The following CCSER1 variants were observed in gnomAD, a reference collection of about 807,000 sequenced individuals.
The protein encoded by CCSER1 is coiled-coil serine rich protein 1.
In CCSER1, 41 loss-of-function variants were observed where a neutral mutation model predicts 82.0. That is an observed-to-expected ratio of 0.50 (90% CI 0.39 to 0.65). The LOEUF is 0.65. Ranked by LOEUF, CCSER1 falls within the 30% of genes least tolerant of loss-of-function variation. CCSER1 has a pLI of 0.00. For missense variants in CCSER1, 1,119 were observed against 1,064.2 expected (o/e 1.05, Z -0.72); for synonymous variants, 414 against 383.9 (o/e 1.08, Z -0.92).
intron 10 of CCSER1, among the ~76,000 whole-genome samples, chr4:91,205,434 G>A (rs1257788136): frequency 1.3e-5 from 2 of 151,496 alleles, no homozygotes; most frequent in Non-Finnish European, 1.5e-5. Context: ...CTTTAACCTG[G>A]GGTCAGTAAA....
intron 8 of CCSER1, among the ~76,000 whole-genome samples, chr4:90,900,924 A>G (rs1324950397): frequency 6.6e-6 from 1 of 151,790 alleles, no homozygotes; most frequent in Non-Finnish European, 1.5e-5. Context: ...ATGACTGTCT[A>G]TCTCTTGGTC....
At position 90,186,220 on chromosome 4, in the gene CCSER1, A is replaced by C. The variant is rs533705124; in HGVS notation, c.-42+58389A>C. Among the ~76,000 whole-genome samples the C allele has an allele frequency of 1.1e-4, 16 of 152,060 alleles. No individual in the cohort carries two copies. In the South Asian group the frequency reaches 2.7e-3, roughly 26 times the overall value. ...GCTCTAGGTCCCAGGCACATTACAT[A>C]TTTTTATGTGTCCCTTCTCTCATAA... On this transcript the variant is annotated intron_variant, in intron 1 of 10. Coordinates refer to ENST00000509176, the MANE Select transcript of CCSER1 (RefSeq NM_001145065.2).
At chr4:90,741,806 G>A (rs548116327) in intron 7 of CCSER1, among the ~76,000 whole-genome samples, 2 of 152,238 alleles carry the variant, frequency 1.3e-5, no homozygotes, top group African/African-American at 2.4e-5. Context: ...GAGATAGACC[G>A]TGAATATGAG....
At chr4:91,404,522 G>T (rs888188166) in intron 10 of CCSER1, among the ~76,000 whole-genome samples, 3 of 152,030 alleles carry the variant, frequency 2.0e-5, no homozygotes, top group Non-Finnish European at 4.4e-5. Context: ...TGCTTCTCTT[G>T]TGGGCATTAA....
intron 10 of CCSER1, among the ~76,000 whole-genome samples, chr4:91,532,687 T>A (rs1761094946): frequency 6.8e-6 from 1 of 147,740 alleles, no homozygotes; most frequent in South Asian, 2.2e-4. Flanking sequence ...GGTAACATGA[T>A]GAAACCCATT....
intron 8 of CCSER1, among the ~76,000 whole-genome samples, chr4:90,922,230 A>G (rs535795061): frequency 3.3e-5 from 5 of 152,092 alleles, no homozygotes; most frequent in African/African-American, 9.6e-5. Context: ...TTTGATAAAC[A>G]TCTCAGATAA....
At chr4:90,915,914 A>T (rs1727309494) in intron 8 of CCSER1, among the ~76,000 whole-genome samples, 1 of 152,124 alleles carries the variant, frequency 6.6e-6, no homozygotes, top group Middle Eastern at 3.2e-3. Context: ...CCCATTCACA[A>T]TTGCTTCAAA....
chr4:91,521,071 T>C (rs945746675), intron 10 of CCSER1, among the ~76,000 whole-genome samples: 1 of 152,096 alleles, frequency 6.6e-6, no homozygotes, highest in Non-Finnish European at 1.5e-5. Context: ...TGTGTGATGT[T>C]CCCCGCAATG....
chr4:90,210,441 TTTTCTTTTC>T (rs1229027739), intron 1 of CCSER1, among the ~76,000 whole-genome samples: 29 of 115,330 alleles, frequency 2.5e-4, no homozygotes, highest in Middle Eastern at 9.8e-3. Flanking sequence ...TTTTCTTTTC[TTTTCTTTTC>T]TTTTTTTTTT....
At chr4:90,406,482 G>C (rs2153549739) in intron 4 of CCSER1, among the ~76,000 whole-genome samples, 1 of 152,200 alleles carries the variant, frequency 6.6e-6, no homozygotes, top group African/African-American at 2.4e-5. Context: ...AGAAACAATG[G>C]ACTTAACTAT....
At chr4:90,509,777 C>T (rs1399671236) in intron 5 of CCSER1, among the ~76,000 whole-genome samples, 1 of 152,130 alleles carries the variant, frequency 6.6e-6, no homozygotes, top group Non-Finnish European at 1.5e-5. Context: ...CTCATGTCAC[C>T]TTCACTGCTC....
intron 10 of CCSER1, among the ~76,000 whole-genome samples, chr4:91,155,645 C>T (rs1222880148): frequency 1.3e-5 from 2 of 151,922 alleles, no homozygotes; most frequent in African/African-American, 4.8e-5. Flanking sequence ...TGAATTACTT[C>T]TCTCTTTTAC....
intron 1 of CCSER1, among the ~76,000 whole-genome samples, chr4:90,270,128 C>T (rs1725982018): frequency 6.6e-6 from 1 of 151,988 alleles, no homozygotes; most frequent in East Asian, 1.9e-4. Flanking sequence ...GCAACTACTC[C>T]AAATATTATA....
intron 9 of CCSER1, among the ~76,000 whole-genome samples, chr4:90,926,490 G>A (rs922847622): frequency 6.6e-6 from 1 of 151,942 alleles, no homozygotes; most frequent in African/African-American, 2.4e-5. Context: ...ATAAGAAATA[G>A]AATTCCCAGA....
At chr4:91,114,453 A>G (rs189682087) in intron 10 of CCSER1, among the ~76,000 whole-genome samples, 40 of 152,308 alleles carry the variant, frequency 2.6e-4, no homozygotes, top group East Asian at 1.2e-3. Flanking sequence ...TCAAGATGTC[A>G]TCGTATTTTT....
chr4:91,583,042 T>C (rs1763808781), intron 10 of CCSER1, among the ~76,000 whole-genome samples: 1 of 151,394 alleles, frequency 6.6e-6, no homozygotes, highest in South Asian at 2.1e-4. Context: ...CTAAACTATA[T>C]ATGAAAGCCA....
chr4:90,818,460 T>TA (rs1420924107), intron 8 of CCSER1, among the ~76,000 whole-genome samples: 1 of 152,060 alleles, frequency 6.6e-6, no homozygotes, highest in Non-Finnish European at 1.5e-5. Context: ...GTATTTTTAG[T>TA]AGAGACGAGG....
intron 10 of CCSER1, among the ~76,000 whole-genome samples, chr4:91,453,902 T>C (rs570094175): frequency 7.9e-5 from 12 of 152,134 alleles, no homozygotes; most frequent in Admixed American, 6.6e-4. Context: ...TGGAAGAAAA[T>C]AATCAAATAA....
intron 10 of CCSER1, among the ~76,000 whole-genome samples, chr4:91,566,675 TA>T (rs1448428662): frequency 6.6e-6 from 1 of 152,166 alleles, no homozygotes; most frequent in African/African-American, 2.4e-5. Context: ...TTTGTGTGTG[TA>T]GAGGTGTTCA....
Sources: allele counts gnomAD v4.1 joint callset (sites outside exome capture counted in the v4.1 genomes callset), GRCh38; gene constraint gnomAD v4.1.1; transcripts MANE v1.5; gene names NCBI Gene and HGNC (gene_info 2026-07-23, HGNC 2026-07-21).